SLIT3: variants seen among roughly 807,000 people sequenced by gnomAD.
SLIT3 encodes the protein slit guidance ligand 3, also known as slit homolog 3 protein.
Under a neutral mutation model 184.0 loss-of-function variants are expected in SLIT3, and 68 were observed. The ratio of observed to expected loss-of-function variants is 0.37; its 90% CI spans 0.30 to 0.45. The LOEUF is 0.45. SLIT3 is among the 20% of genes least tolerant of loss of function. SLIT3 has a pLI of 1.00. For missense variants in SLIT3, 1,707 were observed against 2,026.0 expected (o/e 0.84, Z 3.02); for synonymous variants, 831 against 828.6 (o/e 1.00, Z -0.05).
intron 4 of SLIT3, among the ~76,000 whole-genome samples, chr5:168,999,228 C>T (rs1050171873): frequency 3.9e-5 from 6 of 152,070 alleles, no homozygotes; most frequent in Admixed American, 1.3e-4. Flanking sequence ...GAATGAACTT[C>T]CAAGTATGAG....
intron 8 of SLIT3, among the ~76,000 whole-genome samples, chr5:168,810,068 T>C (rs1361671012): frequency 6.6e-6 from 1 of 152,208 alleles, no homozygotes; most frequent in Non-Finnish European, 1.5e-5. Flanking sequence ...TACTGAGCTC[T>C]GTCAGCAAAT....
In SLIT3 at chr5:168,986,621, C is replaced by A. The variant is rs1013778315; in HGVS notation, c.414-103285G>T. ...CCATCCAGGCATGCTGTGAGCATGG[C>A]CCTCCCTTCCTGTGCTAGTGGGAGT... On this transcript the variant is annotated intron_variant, in intron 4 of 35. Transcript: ENST00000519560. 2.6e-5 allele frequency among the ~76,000 whole-genome samples: 4 copies of A among 152,158 alleles called. No individual in the cohort carries two copies. In the East Asian group the frequency reaches 5.8e-4, roughly 22 times the overall value.
At chr5:168,700,431 CT>C (rs2113282059) in intron 27 of SLIT3, 150 bp downstream of exon 27, 1 of 634,198 alleles carries the variant, frequency 1.6e-6, no homozygotes, top group East Asian at 2.8e-5. Context: ...TTTCCTTTGC[CT>C]TCTGCCATGA....
At chr5:168,905,605 A>G (rs540528674) in intron 4 of SLIT3, among the ~76,000 whole-genome samples, 1 of 152,312 alleles carries the variant, frequency 6.6e-6, no homozygotes, top group South Asian at 2.1e-4. Context: ...AAACATCAGA[A>G]GCAGGTACTG....
chr5:168,793,087 C>T (rs577020542), intron 10 of SLIT3, among the ~76,000 whole-genome samples: 10 of 152,196 alleles, frequency 6.6e-5, no homozygotes, highest in African/African-American at 2.2e-4. Flanking sequence ...AAATTCAGAA[C>T]GCTGAAATGT....
intron 4 of SLIT3, among the ~76,000 whole-genome samples, chr5:169,107,918 C>T (rs947042800): frequency 6.6e-6 from 1 of 152,212 alleles, no homozygotes; most frequent in Non-Finnish European, 1.5e-5. Context: ...TTCTTGACCT[C>T]GATGATCGGG....
chr5:169,146,276 T>C (rs1761920938), intron 4 of SLIT3, among the ~76,000 whole-genome samples: 2 of 152,256 alleles, frequency 1.3e-5, no homozygotes, highest in African/African-American at 4.8e-5. Context: ...TATTTGTTCT[T>C]AACCGCAAAA....
intron 4 of SLIT3, among the ~76,000 whole-genome samples, chr5:169,095,165 A>G (rs1303679303): frequency 1.3e-5 from 2 of 152,198 alleles, no homozygotes; most frequent in Non-Finnish European, 2.9e-5. Flanking sequence ...CCTTGTCTCA[A>G]TCAAAATCCC....
rs143490163 is a variant in SLIT3, at chr5:169,153,640, G to C, written c.413+39839C>G. 2.6e-4 allele frequency among the ~76,000 whole-genome samples: 39 copies of C among 152,348 alleles called. No individual in the cohort carries two copies. The East Asian group carries it at 6.9e-3, about 27-fold the overall frequency. On this transcript the variant is annotated intron_variant, in intron 4 of 35. Coordinates refer to ENST00000519560, the MANE Select transcript of SLIT3 (RefSeq NM_003062.4). ...GTCAGGCACAGGCTGCTAGTAGTCTGCCTGAAGGGCTTGTCCTAAATCAGC... is the reference window on the plus strand; with the variant it reads ...GTCAGGCACAGGCTGCTAGTAGTCTCCCTGAAGGGCTTGTCCTAAATCAGC...
At chr5:168,852,452 T>G (rs1263050976) in intron 5 of SLIT3, among the ~76,000 whole-genome samples, 2 of 152,236 alleles carry the variant, frequency 1.3e-5, no homozygotes, top group African/African-American at 4.8e-5. Flanking sequence ...CATTTCTTCC[T>G]GGATAGGAGG....
At chr5:169,078,195 G>C (rs911928382) in intron 4 of SLIT3, among the ~76,000 whole-genome samples, 3 of 152,110 alleles carry the variant, frequency 2.0e-5, no homozygotes, top group African/African-American at 7.2e-5. Flanking sequence ...AGGGTTCATC[G>C]ATAAGGGGCT....
At chr5:168,808,998 T>G (rs1352617437) in intron 8 of SLIT3, among the ~76,000 whole-genome samples, 1 of 152,184 alleles carries the variant, frequency 6.6e-6, no homozygotes, top group South Asian at 2.1e-4. Context: ...TCTTGCATTT[T>G]CCATCTGTTC....
At chr5:168,914,404 A>G (rs1761367657) in intron 4 of SLIT3, among the ~76,000 whole-genome samples, 1 of 152,248 alleles carries the variant, frequency 6.6e-6, no homozygotes, top group South Asian at 2.1e-4. Context: ...AATCATGGTC[A>G]GAGAGAGCCA....
chr5:168,750,871 T>C (rs1435272968), intron 18 of SLIT3, among the ~76,000 whole-genome samples: 1 of 152,008 alleles, frequency 6.6e-6, no homozygotes, highest in Non-Finnish European at 1.5e-5. Flanking sequence ...GGATCTTATA[T>C]GATGGTGGGC....
chr5:168,782,639 A>AT (rs1448716116), intron 12 of SLIT3, among the ~76,000 whole-genome samples: 2 of 151,938 alleles, frequency 1.3e-5, no homozygotes, highest in African/African-American at 2.4e-5. Context: ...AGCTGCTCCC[A>AT]CCCCTGGAGT....
intron 4 of SLIT3, among the ~76,000 whole-genome samples, chr5:168,947,814 T>G (rs1208414950): frequency 2.0e-5 from 3 of 151,846 alleles, no homozygotes; most frequent in Non-Finnish European, 2.9e-5. Flanking sequence ...TGAGATGGAG[T>G]CTTGCTATGT....
chr5:169,075,066 C>G (rs1165472124), intron 4 of SLIT3, among the ~76,000 whole-genome samples: 4 of 152,210 alleles, frequency 2.6e-5, no homozygotes, highest in Admixed American at 6.5e-5. Context: ...GGCCAACTGT[C>G]AAGAAGGAGA....
chr5:169,222,394 C>T (rs1277255021), intron 3 of SLIT3, among the ~76,000 whole-genome samples: 1 of 152,104 alleles, frequency 6.6e-6, no homozygotes, highest in Non-Finnish European at 1.5e-5. Context: ...TCAATAGACT[C>T]CATTGTGTCT....
At chr5:169,295,090 T>C (rs1266653272) in intron 1 of SLIT3, among the ~76,000 whole-genome samples, 1 of 152,184 alleles carries the variant, frequency 6.6e-6, no homozygotes, top group African/African-American at 2.4e-5. Flanking sequence ...TTGTCAACAC[T>C]ATACCCTTAG....
Sources: gnomAD v4.1 joint callset for allele counts (sites outside exome capture counted in the v4.1 genomes callset) on GRCh38, gnomAD v4.1.1 for gene constraint, MANE v1.5 for transcripts, NCBI Gene and HGNC (gene_info 2026-07-23, HGNC 2026-07-21) for gene names.